RAP1GDS1: variants seen among roughly 807,000 people sequenced by gnomAD.
RAP1GDS1 encodes the protein Rap1 GTPase-GDP dissociation stimulator 1.
RAP1GDS1 carries 35 observed loss-of-function variants against 71.1 expected under a neutral mutation model. The observed-to-expected ratio is 0.49, with a 90% CI of 0.38 to 0.65. The LOEUF (loss-of-function observed/expected upper bound fraction) is 0.65. RAP1GDS1 is among the 30% of genes least tolerant of loss of function. RAP1GDS1 has a pLI of 0.00. For synonymous variants in RAP1GDS1, 229 were observed against 243.1 expected, an observed-to-expected ratio of 0.94 and a Z score of 0.54; for missense variants, 663 against 706.1, an observed-to-expected ratio of 0.94 and a Z score of 0.69.
intron 12 of RAP1GDS1, among the ~76,000 whole-genome samples, chr4:98,424,008 G>A (rs964963734): frequency 1.3e-5 from 2 of 152,188 alleles, no homozygotes; most frequent in Non-Finnish European, 2.9e-5. Flanking sequence ...TTTCATATGG[G>A]TTATTCAACT....
intron 1 of RAP1GDS1, among the ~76,000 whole-genome samples, chr4:98,284,315 A>G (rs1034780255): frequency 6.6e-6 from 1 of 152,144 alleles, no homozygotes; most frequent in Non-Finnish European, 1.5e-5. Context: ...TTAGGGTACA[A>G]ATGATCCCAT....
At chr4:98,321,492 A>C (rs1578428149) in intron 2 of RAP1GDS1, among the ~76,000 whole-genome samples, 1 of 129,338 alleles carries the variant, frequency 7.7e-6, no homozygotes, top group East Asian at 2.4e-4. Context: ...AGTTGAAATG[A>C]AGGAAAAAAT....
chr4:98,338,822 A>T (rs1233945458), intron 2 of RAP1GDS1, among the ~76,000 whole-genome samples: 1 of 152,104 alleles, frequency 6.6e-6, no homozygotes, highest in Non-Finnish European at 1.5e-5. Context: ...TCATTAGTTT[A>T]TCCTCATGAA....
Position 98,400,541 on chromosome 4 carries a change from A to C in RAP1GDS1, c.638-3936A>C, listed in dbSNP as rs370325788. ...ATTTTATAGAAGTAAAAAAAAAAAA[A>C]AAAAAACGGATACTAGAGGTTGGGA... On this transcript the variant is annotated intron_variant, in intron 6 of 14. Transcript: ENST00000408927. Among the ~76,000 whole-genome samples, 88 of 151,696 alleles carry C rather than the reference A, an allele frequency of 5.8e-4. 2 individuals are homozygous for C. The East Asian group carries it at 0.014, about 25-fold the overall frequency.
intron 6 of RAP1GDS1, among the ~76,000 whole-genome samples, chr4:98,394,377 C>T (rs1424915460): frequency 6.6e-6 from 1 of 152,092 alleles, no homozygotes; most frequent in East Asian, 1.9e-4. Flanking sequence ...AAGAGCATAA[C>T]AAGAACTGTG....
chr4:98,428,574 T>C (rs942420239), intron 12 of RAP1GDS1, among the ~76,000 whole-genome samples: 6 of 151,980 alleles, frequency 3.9e-5, no homozygotes, highest in African/African-American at 1.4e-4. Flanking sequence ...GATATACAAA[T>C]GGCCAACTTA....
At chr4:98,404,088 G>A (rs1745799033) in intron 6 of RAP1GDS1, among the ~76,000 whole-genome samples, 1 of 152,168 alleles carries the variant, frequency 6.6e-6, no homozygotes, top group Non-Finnish European at 1.5e-5. Flanking sequence ...GTCTTCAATA[G>A]TAGATATGTC....
chr4:98,297,634 C>T (rs1053795710), intron 2 of RAP1GDS1, among the ~76,000 whole-genome samples: 1 of 152,124 alleles, frequency 6.6e-6, no homozygotes, highest in Non-Finnish European at 1.5e-5. Flanking sequence ...AATATTGTGT[C>T]TGTCTGACTG....
At chr4:98,421,818 T>C (rs900919039) in intron 12 of RAP1GDS1, among the ~76,000 whole-genome samples, 1 of 152,182 alleles carries the variant, frequency 6.6e-6, no homozygotes. Context: ...AAATGAGCTA[T>C]TTTAAAGATC....
intron 4 of RAP1GDS1, among the ~76,000 whole-genome samples, chr4:98,359,909 A>C (rs1485359677): frequency 6.6e-6 from 1 of 152,186 alleles, no homozygotes; most frequent in Non-Finnish European, 1.5e-5. Flanking sequence ...GAGAGACAGT[A>C]CTCAGATAGT....
chr4:98,354,486 TAC>T (rs1189642420), intron 4 of RAP1GDS1, among the ~76,000 whole-genome samples: 2 of 152,232 alleles, frequency 1.3e-5, no homozygotes, highest in East Asian at 3.8e-4. Flanking sequence ...AAAATAGAAA[TAC>T]ACACAGTGAT....
chr4:98,334,561 A>G (rs1734439398), intron 2 of RAP1GDS1, among the ~76,000 whole-genome samples: 1 of 152,156 alleles, frequency 6.6e-6, no homozygotes, highest in Non-Finnish European at 1.5e-5. Flanking sequence ...CGCATGGCAG[A>G]AAAAGGAATT....
intron 1 of RAP1GDS1, among the ~76,000 whole-genome samples, chr4:98,277,433 T>C (rs1724384959): frequency 6.6e-6 from 1 of 152,238 alleles, no homozygotes; most frequent in African/African-American, 2.4e-5. Flanking sequence ...CATGGAACTT[T>C]GCTACCTCTT....
Position 98,418,696 on chromosome 4 carries a change from A to T in RAP1GDS1, c.1079A>T (p.Glu360Val). Reference protein sequence around the residue: ...CIHMVDNGIVEKLMDLLDRHV... With the variant: ...CIHMVDNGIVVKLMDLLDRHV... ...CATATGGTAGACAATGGGATTGTAG[A>T]AAAACTTATGGATTTACTGGACAGA... Residue 360 changes from glutamate (E) to valine (V), a missense_variant, in exon 10 of 15, where the codon GAA becomes GTA. By Grantham distance (121) the Glu-to-Val change is moderately radical (BLOSUM62 -2). Transcript: ENST00000408927. The T allele has an allele frequency of 1.9e-6, 3 of 1,611,746 alleles. No homozygotes were observed. The highest frequency in any genetic ancestry group is 2.5e-6 in the Non-Finnish European group (3 of 1,179,044).
At chr4:98,313,133 C>G (rs536126254) in intron 2 of RAP1GDS1, among the ~76,000 whole-genome samples, 1 of 145,418 alleles carries the variant, frequency 6.9e-6, no homozygotes, top group Admixed American at 6.8e-5. Flanking sequence ...GTTGCAAGTC[C>G]AAATCTGCAA....
chr4:98,267,004 A>G (rs1391333767), intron 1 of RAP1GDS1, among the ~76,000 whole-genome samples: 1 of 152,196 alleles, frequency 6.6e-6, no homozygotes, highest in African/African-American at 2.4e-5. Flanking sequence ...ATCAGGAGGA[A>G]TGAAGGAGGA....
chr4:98,309,643 A>G (rs1729913047), intron 2 of RAP1GDS1, among the ~76,000 whole-genome samples: 1 of 152,018 alleles, frequency 6.6e-6, no homozygotes, highest in African/African-American at 2.4e-5. Flanking sequence ...CACATTAAAA[A>G]TATATAGATT....
chr4:98,415,263 G>A (rs993873730), intron 7 of RAP1GDS1, among the ~76,000 whole-genome samples: 1 of 152,104 alleles, frequency 6.6e-6, no homozygotes, highest in Non-Finnish European at 1.5e-5. Flanking sequence ...TTTTCAAGGT[G>A]CACTGATTTC....
intron 7 of RAP1GDS1, 78 bp downstream of exon 7, chr4:98,404,680 G>T: frequency 6.7e-7 from 1 of 1,482,872 alleles, no homozygotes; most frequent in Non-Finnish European, 9.1e-7. Context: ...TTAATTGCCA[G>T]CCATTTGACT....
Sources: allele counts gnomAD v4.1 joint callset (sites outside exome capture counted in the v4.1 genomes callset), GRCh38; gene constraint gnomAD v4.1.1; transcripts MANE v1.5; gene names NCBI Gene and HGNC (gene_info 2026-07-23, HGNC 2026-07-21).